The following RARB variants were observed in gnomAD, a reference collection of about 807,000 sequenced individuals.
RARB encodes HBV-activated protein.
RARB carries 17 observed loss-of-function variants against 51.9 expected under a neutral mutation model. That is an observed-to-expected ratio of 0.33 (90% confidence interval 0.22 to 0.49). The LOEUF (loss-of-function observed/expected upper bound fraction) is 0.49. Ranked by LOEUF, RARB falls within the 20% of genes least tolerant of loss-of-function variation. The pLI, the probability that RARB is intolerant of heterozygous loss-of-function variation, is 0.99. For synonymous variants in RARB, 215 were observed against 195.4 expected (o/e 1.10, Z -0.84); for missense variants, 369 against 550.8 (o/e 0.67, Z 3.30).
At chr3:25,563,036 AC>A (rs1360244975) in intron 3 of RARB, among the ~76,000 whole-genome samples, 2 of 152,154 alleles carry the variant, frequency 1.3e-5, no homozygotes, top group Admixed American at 6.5e-5. Context: ...ATCATATTAA[AC>A]TCTCAGAATG....
At chr3:25,058,402 T>C (rs79859739) in intron 2 of RARB, among the ~76,000 whole-genome samples, 6 of 151,952 alleles carry the variant, frequency 3.9e-5, no homozygotes, top group Admixed American at 3.3e-4. Context: ...CTAATGACTT[T>C]TGGTTTTAAA....
intron 5 of RARB, among the ~76,000 whole-genome samples, chr3:25,287,429 A>G (rs533047265): frequency 1.3e-5 from 2 of 152,186 alleles, no homozygotes; most frequent in African/African-American, 2.4e-5. Context: ...TCAAAACTAA[A>G]TAACCTCTCA....
At chr3:24,867,038 C>T (rs528998797) in intron 2 of RARB, among the ~76,000 whole-genome samples, 2 of 152,044 alleles carry the variant, frequency 1.3e-5, no homozygotes, top group East Asian at 1.9e-4. Context: ...ATGCAAAAAA[C>T]GTGAAAAGGC....
intron 3 of RARB, among the ~76,000 whole-genome samples, chr3:25,100,573 G>T (rs775769933): frequency 4.6e-5 from 7 of 152,078 alleles, no homozygotes; most frequent in Admixed American, 1.3e-4. Flanking sequence ...AAGCAAATAG[G>T]TTCATTTATT....
At chr3:25,173,392 G>GAATA (rs1226904467) in intron 4 of RARB, among the ~76,000 whole-genome samples, 13 of 152,310 alleles carry the variant, frequency 8.5e-5, no homozygotes, top group African/African-American at 3.1e-4. Flanking sequence ...TTTGATTGGT[G>GAATA]AATAGGTGAC....
At chr3:25,291,068 T>G (rs1703774418) in intron 5 of RARB, among the ~76,000 whole-genome samples, 1 of 152,178 alleles carries the variant, frequency 6.6e-6, no homozygotes, top group African/African-American at 2.4e-5. Context: ...TGGGCAAATC[T>G]TTCTGAAATC....
chr3:25,533,288 C>G (rs1559454754), intron 3 of RARB, among the ~76,000 whole-genome samples: 1 of 152,082 alleles, frequency 6.6e-6, no homozygotes, highest in Non-Finnish European at 1.5e-5. Flanking sequence ...TTATGTTTTG[C>G]TAGCCCTGAA....
chr3:25,463,075 G>A (rs549566778), intron 2 of RARB, among the ~76,000 whole-genome samples: 1 of 152,252 alleles, frequency 6.6e-6, no homozygotes, highest in African/African-American at 2.4e-5. Flanking sequence ...TCTCACGTAT[G>A]TTGCCCAGGC....
At chr3:25,204,619 C>T (rs1273025750) in intron 5 of RARB, among the ~76,000 whole-genome samples, 1 of 152,116 alleles carries the variant, frequency 6.6e-6, no homozygotes, top group East Asian at 1.9e-4. Flanking sequence ...GATGTCCTTT[C>T]TGTTTGTTAG....
chr3:25,390,199 A>G lies in RARB; in HGVS notation c.179-70994A>G, dbSNP rs1276919935. 2.6e-5 allele frequency among the ~76,000 whole-genome samples: 4 copies of G among 152,122 alleles called. 1 individual carries two copies. In the East Asian group the frequency reaches 7.7e-4, roughly 29 times the overall value. ...ATGAATGGAATTCGCACCCTTATAAAAGAGGCCTGAAAGCCAGGTGCTGTG... is the reference window on the plus strand; with the variant it reads ...ATGAATGGAATTCGCACCCTTATAAGAGAGGCCTGAAAGCCAGGTGCTGTG... On this transcript the variant is annotated intron_variant, in intron 5 of 11. Transcript: ENST00000383772.
chr3:25,217,721 T>C (rs1701865121), intron 5 of RARB, among the ~76,000 whole-genome samples: 1 of 152,198 alleles, frequency 6.6e-6, no homozygotes, highest in Admixed American at 6.5e-5. Flanking sequence ...TCGCTCAGTG[T>C]AATGTATTAA....
intron 5 of RARB, among the ~76,000 whole-genome samples, chr3:25,199,774 C>T (rs1435769403): frequency 6.6e-6 from 1 of 152,160 alleles, no homozygotes; most frequent in African/African-American, 2.4e-5. Context: ...AGGACATGAA[C>T]TCATCCTTTT....
chr3:24,858,235 T>C (rs1157583232), intron 1 of RARB, among the ~76,000 whole-genome samples: 4 of 152,334 alleles, frequency 2.6e-5, no homozygotes, highest in African/African-American at 7.2e-5. Context: ...ATGTTTTTTT[T>C]TTCTTCTTAT....
intron 3 of RARB, among the ~76,000 whole-genome samples, chr3:25,106,622 A>C (rs1699509955): frequency 6.7e-6 from 1 of 148,472 alleles, no homozygotes; most frequent in Non-Finnish European, 1.5e-5. Context: ...TAAATTTAAC[A>C]GCTAAATGAA....
At chr3:25,567,710 G>C (rs1700555525) in intron 3 of RARB, among the ~76,000 whole-genome samples, 1 of 152,146 alleles carries the variant, frequency 6.6e-6, no homozygotes, top group Non-Finnish European at 1.5e-5. Context: ...ATAACTTTGA[G>C]AAAAACTGCC....
intron 2 of RARB, among the ~76,000 whole-genome samples, chr3:24,941,004 G>T (rs974232840): frequency 3.9e-5 from 6 of 152,094 alleles, no homozygotes. Flanking sequence ...ATTAAATTTT[G>T]AATCGTTTAC....
chr3:25,591,382 C>T (rs1701606655), intron 5 of RARB, among the ~76,000 whole-genome samples: 1 of 152,166 alleles, frequency 6.6e-6, no homozygotes, highest in Non-Finnish European at 1.5e-5. Context: ...TTATGTGCTG[C>T]ACAAAAGTGC....
At chr3:24,921,407 A>G (rs1284765881) in intron 2 of RARB, among the ~76,000 whole-genome samples, 1 of 152,108 alleles carries the variant, frequency 6.6e-6, no homozygotes, top group Non-Finnish European at 1.5e-5. Context: ...ATCACAGAAA[A>G]TCAGCCCTGC....
intron 4 of RARB, among the ~76,000 whole-genome samples, chr3:25,154,986 G>A (rs1241007363): frequency 6.6e-6 from 1 of 152,158 alleles, no homozygotes; most frequent in Non-Finnish European, 1.5e-5. Context: ...CACATAGCAA[G>A]TATTCATGAA....
Sources: gnomAD v4.1 joint callset for allele counts (sites outside exome capture counted in the v4.1 genomes callset) on GRCh38, gnomAD v4.1.1 for gene constraint, MANE v1.5 for transcripts, NCBI Gene and HGNC (gene_info 2026-07-23, HGNC 2026-07-21) for gene names.